TTLL8: variants seen among roughly 807,000 people sequenced by gnomAD.
The protein encoded by TTLL8 is protein monoglycylase TTLL8.
A neutral mutation model predicts 77.8 loss-of-function variants in TTLL8; 65 were observed. The observed-to-expected ratio is 0.84, with a 90% CI of 0.68 to 1.03. The LOEUF is 1.03. TTLL8 is among the 50% of genes least tolerant of loss of function. The pLI is 0.00. For synonymous variants in TTLL8, 402 were observed against 422.8 expected (o/e 0.95, Z 0.60); for missense variants, 910 against 1,004.5 (o/e 0.91, Z 1.27).
Position 50,034,172 on chromosome 22 carries a change from G to A in TTLL8, c.1039+173C>T. ...TGATCGGAACACATGCTGTGAAGAC[G>A]CCTCCAGCTCTGCTCCAGCGCCTGA... On this transcript the variant is annotated intron_variant, in intron 9 of 13. Transcript: ENST00000266182. This position sits in a 1 kb window ranked among gnomAD's most constrained non-coding sequence, Gnocchi z 4.1. 2.1e-5 allele frequency: 11 copies of A among 521,180 alleles called. No individual in the cohort carries two copies. Among genetic ancestry groups the A allele is most frequent in the South Asian group, 8.3e-5 (1 of 12,020 alleles). The allele number at this position is 521,180 out of a possible 1,614,324, so 32.3% of individuals were successfully genotyped here.
chr22:50,041,871 AG>A lies in TTLL8; in HGVS notation c.644-65del. ...CCCAGGGGCAGCCCTGCCCGCCTCGAGGGGTGATGTCTAAAGTCATGGACAA... is the reference window on the plus strand; with the variant it reads ...CCCAGGGGCAGCCCTGCCCGCCTCGAGGGTGATGTCTAAAGTCATGGACAA... On this transcript the variant is annotated intron_variant, in intron 6 of 13. Transcript: ENST00000266182. The surrounding 1 kb of genome is among the most constrained non-coding windows in gnomAD (Gnocchi z 4.3). 7.8e-7 allele frequency: 1 copy of A among 1,279,844 alleles called. No individual in the cohort carries two copies. Among genetic ancestry groups the A allele is most frequent in the Non-Finnish European group, 1.0e-6 (1 of 979,606 alleles). 79.3% of individuals were successfully genotyped at this position (1,279,844 alleles called of 1,614,324 possible). A position where few individuals can be genotyped will look rare whatever the true frequency, so the allele number is the denominator to read the frequency against.
chr22:50,033,270 G>A (rs2061311178), exon 10 of TTLL8: 1 of 1,361,508 alleles, frequency 7.3e-7, no homozygotes, highest in South Asian at 1.1e-5. Context: ...AGAACCAGAT[G>A]GTCAGGGGGT....
At chr22:50,053,221 C>CAAAA (rs55893423) in intron 1 of TTLL8, among the ~76,000 whole-genome samples, 2 of 103,122 alleles carry the variant, frequency 1.9e-5, no homozygotes, top group Admixed American at 2.1e-4. Flanking sequence ...GACTCCATCT[C>CAAAA]AAAAAAAAAA....
chr22:50,055,242 C>T (rs1355798291), upstream of TTLL8: 2 of 1,289,390 alleles, frequency 1.6e-6, no homozygotes, highest in Admixed American at 4.6e-5. Context: ...ACCTTGATTG[C>T]TTTTTCTGTT....
At chr22:50,031,765 G>A in exon 11 of TTLL8, 3 of 1,365,202 alleles carry the variant, frequency 2.2e-6, no homozygotes, top group Non-Finnish European at 2.0e-6. Flanking sequence ...CTGCACCTGT[G>A]CACACAGCTG....
chr22:50,050,180 C>T lies in TTLL8; in HGVS notation c.119G>A (p.Trp40Ter), dbSNP rs1169817676. ...CAAAAAGTGGAACTTCTTCTCTACC[C>T]AGCCCTTCCTTCGCAGAGCGGCCCG... The change falls in exon 2 of 14, where the codon TGG becomes TAG. Residue 40 changes from tryptophan (W) to a stop codon, truncating the protein, a stop_gained. Coordinates refer to ENST00000266182, the Ensembl canonical transcript of TTLL8. LOFTEE classifies it high-confidence loss of function. 7.3e-7 allele frequency: 1 copy of T among 1,365,746 alleles called. No homozygotes were observed. Among genetic ancestry groups the T allele is most frequent in the Non-Finnish European group, 9.8e-7 (1 of 1,021,268 alleles). The allele number at this position is 1,365,746 out of a possible 1,614,324, so 84.6% of individuals were successfully genotyped here. A position where few individuals can be genotyped will look rare whatever the true frequency, so the allele number is the denominator to read the frequency against.
chr22:50,037,513 T>A (rs1405266114), intron 8 of TTLL8, among the ~76,000 whole-genome samples: 1 of 152,254 alleles, frequency 6.6e-6, no homozygotes, highest in Non-Finnish European at 1.5e-5. Context: ...TGTTTTCCCA[T>A]TCTTAAAAAC....
At chr22:50,023,616 C>T (rs1010458661) in intron 12 of TTLL8, among the ~76,000 whole-genome samples, 28 of 152,004 alleles carry the variant, frequency 1.8e-4, no homozygotes, top group African/African-American at 6.8e-4. Flanking sequence ...ACCTGGGAGG[C>T]GGAGGTTGCA....
At chr22:50,043,498 G>A (rs1445221815) in intron 6 of TTLL8, among the ~76,000 whole-genome samples, 1 of 148,346 alleles carries the variant, frequency 6.7e-6, no homozygotes, top group Non-Finnish European at 1.5e-5. Context: ...TTCTTCGGTA[G>A]ATGGATAGAT....
In TTLL8 at chr22:50,034,446, T is replaced by C. The variant is rs1260674958; in HGVS notation, c.938A>G (p.Asn313Ser). ...CTGAGGGTTCACAGACGTGATTCTA[T>C]TCAGCAGAGCCTGGCACTGCGAAAA... The change falls in exon 9 of 14, where the codon AAT becomes AGT. Residue 313 changes from asparagine (N) to serine (S), a missense_variant. By Grantham distance (46) the Asn-to-Ser change is conservative. Transcript: ENST00000266182. The surrounding 1 kb of genome is among the most constrained non-coding windows in gnomAD (Gnocchi z 4.1). The C allele has an allele frequency of 5.1e-6, 7 of 1,367,234 alleles. No homozygotes were observed. Among genetic ancestry groups the C allele is most frequent in the Non-Finnish European group, 6.9e-6 (7 of 1,021,822 alleles). The allele number at this position is 1,367,234 out of a possible 1,614,324, so 84.7% of individuals were successfully genotyped here.
At chr22:50,051,160 C>G (rs2061441882) in intron 1 of TTLL8, among the ~76,000 whole-genome samples, 1 of 152,246 alleles carries the variant, frequency 6.6e-6, no homozygotes, top group South Asian at 2.1e-4. Flanking sequence ...CCGCGCCCAG[C>G]CCCAATATGT....
At chr22:50,039,546 CA>C (rs1324644099) in intron 8 of TTLL8, among the ~76,000 whole-genome samples, 2 of 152,242 alleles carry the variant, frequency 1.3e-5, no homozygotes, top group Non-Finnish European at 2.9e-5. Flanking sequence ...GCATTATAAT[CA>C]AACTGTTGAA....
At chr22:50,021,872 A>T (rs1366239945) in intron 12 of TTLL8, among the ~76,000 whole-genome samples, 1 of 142,004 alleles carries the variant, frequency 7.0e-6, no homozygotes, top group Non-Finnish European at 1.5e-5. Flanking sequence ...CCATCTGATG[A>T]CATGCACTTC....
At chr22:50,053,009 G>A (rs898612937) in intron 1 of TTLL8, among the ~76,000 whole-genome samples, 12 of 152,158 alleles carry the variant, frequency 7.9e-5, no homozygotes, top group Non-Finnish European at 1.3e-4. Flanking sequence ...ATCACCTGAG[G>A]TCAGGAGTTC....
intron 1 of TTLL8, among the ~76,000 whole-genome samples, chr22:50,052,127 C>T (rs1050156725): frequency 7.5e-5 from 11 of 146,434 alleles, no homozygotes; most frequent in African/African-American, 9.8e-5. Context: ...CGCTCTGGGC[C>T]GCTGTCTACT....
chr22:50,053,063 A>AT (rs2061452283), intron 1 of TTLL8, among the ~76,000 whole-genome samples: 1 of 152,198 alleles, frequency 6.6e-6, no homozygotes, highest in Non-Finnish European at 1.5e-5. Flanking sequence ...CTCTACTAAA[A>AT]ATACAAAAAT....
intron 10 of TTLL8, 63 bp from the exon 12 acceptor site, chr22:50,032,172 G>C (rs1268860090): frequency 2.3e-6 from 3 of 1,295,552 alleles, no homozygotes; most frequent in African/African-American, 3.0e-5. Flanking sequence ...CCCAAGGCCG[G>C]TCCTCCCAGC....
intron 8 of TTLL8, among the ~76,000 whole-genome samples, chr22:50,040,948 G>A (rs2061366615): frequency 6.6e-6 from 1 of 152,200 alleles, no homozygotes; most frequent in Admixed American, 6.5e-5. Context: ...GAAGGCCAGG[G>A]TCAGCCTTTG....
exon 2 of TTLL8, chr22:50,050,240 T>C: frequency 9.0e-6 from 12 of 1,328,532 alleles, no homozygotes; most frequent in Non-Finnish European, 1.2e-5. Context: ...AGAGAAAATC[T>C]TCTTCTCCTA....
Sources: gnomAD v4.1 joint callset for allele counts (sites outside exome capture counted in the v4.1 genomes callset) on GRCh38, gnomAD v4.1.1 for gene constraint, Gnocchi (gnomAD v3.1) non-coding constraint, MANE v1.5 for transcripts, NCBI Gene and HGNC (gene_info 2026-07-23, HGNC 2026-07-21) for gene names.